Variants in ELF3 observed in about 807,000 individuals in gnomAD.
ELF3 encodes E74 like ETS transcription factor 3.
In ELF3, 18 loss-of-function variants were observed where a neutral mutation model predicts 43.9. The observed-to-expected ratio is 0.41, with a 90% CI of 0.28 to 0.61. The LOEUF (loss-of-function observed/expected upper bound fraction) is 0.61. Ranked by LOEUF, ELF3 falls within the 20% of genes least tolerant of loss-of-function variation. The probability of loss-of-function intolerance (pLI) is 0.30; values close to 1 mark genes in which losing one functional copy is unlikely to be tolerated. For missense variants in ELF3, 373 were observed against 487.7 expected, an observed-to-expected ratio of 0.76 and a Z score of 2.21; for synonymous variants, 181 against 190.2, an observed-to-expected ratio of 0.95 and a Z score of 0.40.
rs1291400408 is a variant in ELF3, at chr1:202,011,109, C to G, written c.-8-20C>G. On this transcript the variant is annotated intron_variant, in intron 1 of 8. Transcript: ENST00000367284. ...CCCTCGTCCCCTCACCAACCTCATC[C>G]TCTCTCCCCCTACCCACAGGTAGCC... 6.2e-7 allele frequency: 1 copy of G among 1,612,892 alleles called. No homozygotes were observed. Among genetic ancestry groups the G allele is most frequent in the African/African-American group, 1.3e-5 (1 of 75,018 alleles).
rs1398468941 is a variant in ELF3, at chr1:202,012,766, G to T, written c.598+7G>T. ...TCTGACGTCTCCACCGCAGGTGAGAGCTCTCTCTGGGCCACAACCTCCCTT... is the reference window on the plus strand; with the variant it reads ...TCTGACGTCTCCACCGCAGGTGAGATCTCTCTCTGGGCCACAACCTCCCTT... On this transcript the variant is annotated splice_region_variant and intron_variant, in intron 5 of 8. Coordinates refer to ENST00000367284, the MANE Select transcript of ELF3 (RefSeq NM_004433.5). This position sits in a 1 kb window ranked among gnomAD's most constrained non-coding sequence, Gnocchi z 4.2. 4 of 1,553,794 alleles carry T rather than the reference G, an allele frequency of 2.6e-6. No homozygotes were observed. The highest frequency in any genetic ancestry group is 3.5e-6 in the Non-Finnish European group (4 of 1,150,850).
chr1:202,015,054 A>G, intron 8 of ELF3, 155 bp from the exon 9 acceptor site: 3 of 648,424 alleles, frequency 4.6e-6, no homozygotes, highest in South Asian at 3.5e-5. Context: ...TGTGAAGAAC[A>G]GAGGAGTTTA....
chr1:202,011,383 G>A (rs558777250), intron 2 of ELF3, 84 bp downstream of exon 2: 2 of 1,470,364 alleles, frequency 1.4e-6, no homozygotes, highest in East Asian at 2.5e-5. Flanking sequence ...GGAATAGGCA[G>A]GGAGGAGGGT....
Position 202,016,022 on chromosome 1 carries a change from CTGT to C in ELF3, c.*700_*702del. The C allele has an allele frequency of 6.6e-6, 1 of 152,182 alleles. No homozygotes were observed. The highest frequency in any genetic ancestry group is 2.4e-5 in the African/African-American group (1 of 41,418). 9.4% of individuals were successfully genotyped at this position (152,182 alleles called of 1,614,324 possible). On this transcript the variant is annotated 3_prime_UTR_variant, in exon 9 of 9. Coordinates refer to ENST00000367284, the MANE Select transcript of ELF3 (RefSeq NM_004433.5). ...TTTTTCTAACCTTTGTCTTAGCTAC[CTGT>C]GTACTGAAATTTGGGCCTTTGGATC...
chr1:202,011,623 G>C, intron 2 of ELF3: 1 of 460,470 alleles, frequency 2.2e-6, no homozygotes, highest in Non-Finnish European at 3.9e-6. Flanking sequence ...TGTAATCCCA[G>C]CACTTTGGGA....
chr1:202,011,837 A>C, intron 2 of ELF3, 120 bp from the exon 3 acceptor site: 1 of 981,238 alleles, frequency 1.0e-6, no homozygotes, highest in South Asian at 1.6e-5. Flanking sequence ...AGATTGTGCC[A>C]TTGCACCCCA....
At chr1:202,011,060 G>A in intron 1 of ELF3, 69 bp from the exon 2 acceptor site, 2 of 1,577,548 alleles carry the variant, frequency 1.3e-6, no homozygotes, top group Non-Finnish European at 8.6e-7. Flanking sequence ...GCAAAGCAGA[G>A]TAGCTGGGAG....
At position 202,012,970 on chromosome 1, in the gene ELF3, C is replaced by T. The variant is rs758847922; in HGVS notation, c.622C>T (p.His208Tyr). Residue 208 changes from histidine to tyrosine, a missense_variant, in exon 6 of 9, where the codon CAC (histidine) becomes TAC (tyrosine). Physicochemically the swap from His to Tyr is moderately conservative, Grantham distance 83. This residue lies in a region of ELF3 where 311 missense variants were observed against 351.2 expected (regional missense o/e 0.89). Transcript: ENST00000367284. This position sits in a 1 kb window ranked among gnomAD's most constrained non-coding sequence, Gnocchi z 4.2. ...AGGGACTGGTGCTTCTCGGAGCTCCCACTCCTCAGACTCCGGTGGAAGTGA... is the reference window on the plus strand; with the variant it reads ...AGGGACTGGTGCTTCTCGGAGCTCCTACTCCTCAGACTCCGGTGGAAGTGA... Reference protein sequence around the residue: ...TAGTGASRSSHSSDSGGSDVD... With the variant: ...TAGTGASRSSYSSDSGGSDVD... 8 of 1,613,328 alleles carry T rather than the reference C, an allele frequency of 5.0e-6. No individual in the cohort carries two copies. The highest frequency in any genetic ancestry group is 3.3e-5 in the Admixed American group (2 of 59,922).
chr1:202,010,938 AG>A lies in ELF3; in HGVS notation c.-8-189del. ...GATCTGAGGAGGGAAGCCCAGCTGG[AG>A]GCTCCTGTGGTCCTGCCCTGGTCTG... On this transcript the variant is annotated intron_variant, in intron 1 of 8. Transcript: ENST00000367284. This position sits in a 1 kb window ranked among gnomAD's most constrained non-coding sequence, Gnocchi z 4.3. The A allele has an allele frequency of 1.7e-6, 1 of 585,280 alleles. No homozygotes were observed. Among genetic ancestry groups the A allele is most frequent in the Admixed American group, 3.3e-5 (1 of 29,896 alleles). The allele number at this position is 585,280 out of a possible 1,614,324, so 36.3% of individuals were successfully genotyped here. A position where few individuals can be genotyped will look rare whatever the true frequency, so the allele number is the denominator to read the frequency against.
rs371703373 is a variant in ELF3, at chr1:202,013,142, C to G, written c.689-40C>G. On this transcript the variant is annotated intron_variant, in intron 6 of 8. Transcript: ENST00000367284. This position sits in a 1 kb window ranked among gnomAD's most constrained non-coding sequence, Gnocchi z 5.7. ...TAGAGGGGCTACTCTCCCTAACTCCCCTCTTGCCCCTCCTTGACCTTCCAC... is the reference window on the plus strand; with the variant it reads ...TAGAGGGGCTACTCTCCCTAACTCCGCTCTTGCCCCTCCTTGACCTTCCAC... 3.8e-5 allele frequency: 61 copies of G among 1,610,478 alleles called. No homozygotes were observed. In the African/African-American group the frequency reaches 7.3e-4, roughly 19 times the overall value.
At position 202,010,818 on chromosome 1, in the gene ELF3, A is replaced by G; in HGVS notation, c.-9+112A>G. On this transcript the variant is annotated intron_variant, in intron 1 of 8. Coordinates refer to ENST00000367284, the MANE Select transcript of ELF3 (RefSeq NM_004433.5). The surrounding 1 kb of genome is among the most constrained non-coding windows in gnomAD (Gnocchi z 4.3). ...CTCCAGTCTAGGATCTCCGAGCAAGAGCGTAGGTGTCCTGAGGGTCAAAGA... is the reference window on the plus strand; with the variant it reads ...CTCCAGTCTAGGATCTCCGAGCAAGGGCGTAGGTGTCCTGAGGGTCAAAGA... 3.1e-6 allele frequency: 1 copy of G among 319,710 alleles called. No homozygotes were observed. The highest frequency in any genetic ancestry group is 9.2e-5 in the East Asian group (1 of 10,920). The allele number at this position is 319,710 out of a possible 1,614,324, so 19.8% of individuals were successfully genotyped here.
In ELF3 at chr1:202,013,757, G is replaced by T; in HGVS notation, c.806-72G>T. On this transcript the variant is annotated intron_variant, in intron 7 of 8. Transcript: ENST00000367284. The surrounding 1 kb of genome is among the most constrained non-coding windows in gnomAD (Gnocchi z 5.7). Reference sequence around the variant, plus strand: ...GTGGCCAAGTCAGCAGTGCACTGGGGCGGGCAGGGCTGGCTGGCCTTGGGT... The same window carrying T: ...GTGGCCAAGTCAGCAGTGCACTGGGTCGGGCAGGGCTGGCTGGCCTTGGGT... The T allele has an allele frequency of 6.6e-7, 1 of 1,510,222 alleles. No homozygotes were observed. The highest frequency in any genetic ancestry group is 8.9e-7 in the Non-Finnish European group (1 of 1,120,480). The allele number at this position is 1,510,222 out of a possible 1,614,324, so 93.6% of individuals were successfully genotyped here.
Position 202,012,914 on chromosome 1 carries a change from C to A in ELF3, c.599-33C>A. ...CAGCGTGGTTGAGCAGAGGGTGGGC[C>A]GGCAGGGGACTTACTCTGACCCCGC... On this transcript the variant is annotated intron_variant, in intron 5 of 8. Transcript: ENST00000367284. This position sits in a 1 kb window ranked among gnomAD's most constrained non-coding sequence, Gnocchi z 4.2. 6.3e-7 allele frequency: 1 copy of A among 1,587,148 alleles called. No homozygotes were observed. Among genetic ancestry groups the A allele is most frequent in the African/African-American group, 1.3e-5 (1 of 74,380 alleles).
intron 2 of ELF3, chr1:202,011,526 T>C (rs1684195708): frequency 5.5e-6 from 3 of 542,844 alleles, no homozygotes; most frequent in Non-Finnish European, 9.4e-6. Context: ...CTGCCCCTAC[T>C]CTTGGGATGG....
At position 202,015,145 on chromosome 1, in the gene ELF3, C is replaced by T. The variant is rs865980020; in HGVS notation, c.1002-64C>T. On this transcript the variant is annotated intron_variant, in intron 8 of 8. Coordinates refer to ENST00000367284, the MANE Select transcript of ELF3 (RefSeq NM_004433.5). ...CTGGGGGTAACGCGGGCCAGGTGGG[C>T]GGGCTGGCAGCCTGGGGCCCATTTC... The T allele has an allele frequency of 2.9e-5, 45 of 1,564,324 alleles. 1 individual carries two copies. In the Middle Eastern group the frequency reaches 3.1e-3, roughly 108 times the overall value.
chr1:202,012,717 G>T lies in ELF3; in HGVS notation c.556G>T (p.Ala186Ser), dbSNP rs748393735. ...CCCCTACCACCCCGGCAGCTGTGGC[G>T]CAGGAGCCCCCTCCCCTGGCAGCTC... ...ASPYHPGSCG[A>S]GAPSPGSSDV... The change falls in exon 5 of 9, where the codon GCA becomes TCA. Residue 186 changes from alanine to serine, a missense_variant. Ala to Ser is a moderately conservative substitution (Grantham distance 99). This residue lies in a region of ELF3 where 311 missense variants were observed against 351.2 expected (regional missense o/e 0.89). Transcript: ENST00000367284. This position sits in a 1 kb window ranked among gnomAD's most constrained non-coding sequence, Gnocchi z 4.2. 1 of 1,602,596 alleles carries T rather than the reference G, an allele frequency of 6.2e-7. No individual in the cohort carries two copies.
Position 202,012,395 on chromosome 1 carries a change from A to T in ELF3, c.437A>T (p.Asp146Val). 1 of 1,614,084 alleles carries T rather than the reference A, an allele frequency of 6.2e-7. No individual in the cohort carries two copies. The highest frequency in any genetic ancestry group is 8.5e-7 in the Non-Finnish European group (1 of 1,179,998). ...LSWIIELLEK[D>V]GMAFQEALDP... ...TGGATCATTGAGCTGCTGGAGAAGG[A>T]TGGCATGGCCTTCCAGGAGGCCCTA... The change falls in exon 4 of 9, where the codon GAT becomes GTT. Residue 146 changes from aspartate (D) to valine (V), a missense_variant. Asp to Val is a radical substitution (Grantham distance 152). Coordinates refer to ENST00000367284, the MANE Select transcript of ELF3 (RefSeq NM_004433.5). This position sits in a 1 kb window ranked among gnomAD's most constrained non-coding sequence, Gnocchi z 4.2.
intron 2 of ELF3, 35 bp downstream of exon 2, chr1:202,011,334 G>A (rs1480757984): frequency 1.3e-6 from 2 of 1,526,110 alleles, no homozygotes; most frequent in Admixed American, 2.1e-5. Flanking sequence ...GGCACGGAGT[G>A]GGAGACAGAT....
chr1:202,011,181 C>G lies in ELF3; in HGVS notation c.45C>G (p.Phe15Leu). 6.2e-7 allele frequency: 1 copy of G among 1,614,162 alleles called. No individual in the cohort carries two copies. The highest frequency in any genetic ancestry group is 1.1e-5 in the South Asian group (1 of 91,088). Reference protein sequence around the residue: ...CEISNIFSNYFSAMYSSEDST... With the variant: ...CEISNIFSNYLSAMYSSEDST... ...TTAGCAACATTTTTAGCAACTACTT[C>G]AGTGCGATGTACAGCTCGGAGGACT... is the stretch of plus-strand genomic sequence containing the variant. The change falls in exon 2 of 9, where the codon TTC (phenylalanine) becomes TTG (leucine). Residue 15 changes from phenylalanine to leucine, a missense_variant. Phe to Leu is a conservative substitution (Grantham distance 22). This residue lies in a region of ELF3 where 311 missense variants were observed against 351.2 expected (regional missense o/e 0.89). Transcript: ENST00000367284.
Sources: allele counts gnomAD v4.1 joint callset, GRCh38; gene constraint gnomAD v4.1.1; regional missense constraint gnomAD v4.1.1; non-coding constraint Gnocchi (gnomAD v3.1); transcripts MANE v1.5; gene names NCBI Gene and HGNC (gene_info 2026-07-23, HGNC 2026-07-21).